GSE1: variants seen among roughly 807,000 people sequenced by gnomAD.
GSE1 encodes genetic suppressor element 1.
Under a neutral mutation model 112.6 loss-of-function variants are expected in GSE1, and 32 were observed. The observed-to-expected ratio is 0.28, with a 90% confidence interval of 0.21 to 0.38. The LOEUF (loss-of-function observed/expected upper bound fraction) is 0.38, where lower values mean the gene tolerates loss of function less well. GSE1 is among the 10% of genes least tolerant of loss of function. The pLI is 1.00. For synonymous variants in GSE1, 1,115 were observed against 735.6 expected (o/e 1.52, Z -8.35); for missense variants, 2,348 against 1,699.2 (o/e 1.38, Z -6.71).
At chr16:85,290,191 C>G (rs745683850) in intron 1 of GSE1, among the ~76,000 whole-genome samples, 2 of 152,168 alleles carry the variant, frequency 1.3e-5, no homozygotes, top group Non-Finnish European at 2.9e-5. Flanking sequence ...CTTTGTGGCA[C>G]TCCTGAGGGC....
chr16:85,607,547 C>T (rs563731074), upstream of GSE1, among the ~76,000 whole-genome samples: 1 of 152,270 alleles, frequency 6.6e-6, no homozygotes, highest in Admixed American at 6.5e-5. Context: ...GTGGGGCAGC[C>T]CGGGGTTAAG....
Position 85,654,266 on chromosome 16 carries a change from C to G in GSE1, c.427-12C>G, listed in dbSNP as rs143306574. ...CAGGCTCCTGCCCTGACTGGACGCTCTCCTCCCGCAGGATGCCGGCTCCAG... is the reference window on the plus strand; with the variant it reads ...CAGGCTCCTGCCCTGACTGGACGCTGTCCTCCCGCAGGATGCCGGCTCCAG... On this transcript the variant is annotated splice_polypyrimidine_tract_variant and intron_variant, in intron 3 of 15. Coordinates refer to ENST00000253458, the MANE Select transcript of GSE1 (RefSeq NM_014615.5). 3 of 1,581,948 alleles carry G rather than the reference C, an allele frequency of 1.9e-6. No individual in the cohort carries two copies. Among genetic ancestry groups the G allele is most frequent in the Non-Finnish European group, 1.7e-6 (2 of 1,165,192 alleles).
At chr16:85,558,096 A>G (rs1023768565) in intron 1 of GSE1, among the ~76,000 whole-genome samples, 2 of 152,202 alleles carry the variant, frequency 1.3e-5, no homozygotes, top group African/African-American at 4.8e-5. Context: ...TAAAGGTTGT[A>G]AGGGGAGGGC....
chr16:85,537,036 T>A (rs754314827), intron 2 of GSE1, among the ~76,000 whole-genome samples: 12 of 151,952 alleles, frequency 7.9e-5, no homozygotes, highest in Non-Finnish European at 1.8e-4. Context: ...AGTGGTCAGG[T>A]CCTGCCCTCT....
In GSE1 at chr16:85,391,148, C is replaced by T. The variant is rs2047830393; in HGVS notation, c.2464+33505C>T. On this transcript the variant is annotated intron_variant, in intron 2 of 2. Coordinates refer to the GSE1 transcript ENST00000637419. ...CCAAGAGAGGGCTAGGATGGAGCAA[C>T]AGGATGGAGCAAGGCAGACCCACAG... is the stretch of plus-strand genomic sequence containing the variant. 2.0e-5 allele frequency among the ~76,000 whole-genome samples: 3 copies of T among 152,296 alleles called. No individual in the cohort carries two copies. The Middle Eastern group carries it at 0.01, about 518-fold the overall frequency.
At chr16:85,301,256 A>G (rs1246077505) in intron 1 of GSE1, among the ~76,000 whole-genome samples, 1 of 152,220 alleles carries the variant, frequency 6.6e-6, no homozygotes, top group South Asian at 2.1e-4. Flanking sequence ...GGCCCAGGAA[A>G]GTGGTGCCCT....
chr16:85,302,608 G>C (rs2045559193), intron 1 of GSE1, among the ~76,000 whole-genome samples: 1 of 152,166 alleles, frequency 6.6e-6, no homozygotes, highest in Non-Finnish European at 1.5e-5. Context: ...AGCATCACCA[G>C]GGCTGCTGGT....
At chr16:85,354,656 C>G (rs748366935) in intron 1 of GSE1, among the ~76,000 whole-genome samples, 9 of 152,238 alleles carry the variant, frequency 5.9e-5, no homozygotes, top group Non-Finnish European at 8.8e-5. Context: ...ACAGCCCTCC[C>G]CTGCACCCCT....
chr16:85,331,377 A>G (rs868028861), intron 1 of GSE1, among the ~76,000 whole-genome samples: 2 of 132,260 alleles, frequency 1.5e-5, no homozygotes, highest in Non-Finnish European at 3.3e-5. Context: ...ATATATGTAT[A>G]TATATGTATA....
chr16:85,357,000 C>G (rs2046963621), intron 1 of GSE1, among the ~76,000 whole-genome samples: 2 of 152,208 alleles, frequency 1.3e-5, no homozygotes. Context: ...GCCCAGCTCT[C>G]TGAGCCAAGT....
chr16:85,415,067 C>G (rs2048672921), intron 2 of GSE1, among the ~76,000 whole-genome samples: 1 of 152,338 alleles, frequency 6.6e-6, no homozygotes, highest in South Asian at 2.1e-4. Context: ...GCCTCAGCCT[C>G]CTGACTAGCT....
At chr16:85,643,814 C>A (rs2050636748) in intron 2 of GSE1, among the ~76,000 whole-genome samples, 1 of 152,170 alleles carries the variant, frequency 6.6e-6, no homozygotes, top group Admixed American at 6.5e-5. Flanking sequence ...CCACAGCCCA[C>A]CTGGCCATTG....
chr16:85,348,917 C>A (rs1474135784), intron 1 of GSE1, among the ~76,000 whole-genome samples: 1 of 151,990 alleles, frequency 6.6e-6, no homozygotes, highest in Admixed American at 6.6e-5. Context: ...TCCTGACCCC[C>A]CAGCTGCGGC....
chr16:85,567,566 C>T (rs2045812726), intron 1 of GSE1, among the ~76,000 whole-genome samples: 1 of 152,172 alleles, frequency 6.6e-6, no homozygotes, highest in Non-Finnish European at 1.5e-5. Flanking sequence ...ACATGGCGGC[C>T]CCAGAGCTCC....
chr16:85,495,996 G>A (rs1490463292), intron 2 of GSE1, among the ~76,000 whole-genome samples: 2 of 152,190 alleles, frequency 1.3e-5, no homozygotes, highest in Admixed American at 6.5e-5. Flanking sequence ...AAGCCGCGGG[G>A]GGACCTGCCT....
chr16:85,394,023 G>T (rs1413710675), intron 2 of GSE1, among the ~76,000 whole-genome samples: 1 of 152,170 alleles, frequency 6.6e-6, no homozygotes, highest in East Asian at 1.9e-4. Context: ...CTTCCAATCT[G>T]CCTGGGGACC....
chr16:85,277,997 G>A (rs1393624842), intron 1 of GSE1, among the ~76,000 whole-genome samples: 2 of 152,240 alleles, frequency 1.3e-5, no homozygotes, highest in Admixed American at 6.5e-5. Flanking sequence ...CAGGCTTCAC[G>A]ACTCCATTGA....
At chr16:85,269,900 A>T (rs1232039385) in intron 1 of GSE1, among the ~76,000 whole-genome samples, 1 of 149,546 alleles carries the variant, frequency 6.7e-6, no homozygotes, top group Non-Finnish European at 1.5e-5. Flanking sequence ...CAGCGCCGAC[A>T]TGTAGCTGCG....
intron 1 of GSE1, among the ~76,000 whole-genome samples, chr16:85,562,339 G>A (rs879759238): frequency 2.6e-5 from 4 of 152,186 alleles, no homozygotes; most frequent in South Asian, 2.1e-4. Flanking sequence ...CCTTTTCCGA[G>A]GGGCCTGGTC....
Sources: allele counts gnomAD v4.1 joint callset (sites outside exome capture counted in the v4.1 genomes callset), GRCh38; gene constraint gnomAD v4.1.1; transcripts MANE v1.5; gene names NCBI Gene and HGNC (gene_info 2026-07-23, HGNC 2026-07-21).